ZMYND8: variants seen among roughly 807,000 people sequenced by gnomAD.
ZMYND8 encodes MYND-type zinc finger-containing chromatin reader ZMYND8.
A neutral mutation model predicts 140.8 loss-of-function variants in ZMYND8; 37 were observed. That is an observed-to-expected ratio of 0.26 (90% CI 0.20 to 0.35). The LOEUF (loss-of-function observed/expected upper bound fraction) is 0.35. Ranked by LOEUF, ZMYND8 falls within the 10% of genes least tolerant of loss-of-function variation. The probability of loss-of-function intolerance (pLI) is 1.00; values close to 1 mark genes in which losing one functional copy is unlikely to be tolerated. For missense variants in ZMYND8, 1,068 were observed against 1,570.0 expected (o/e 0.68, Z 5.40); for synonymous variants, 592 against 597.1 (o/e 0.99, Z 0.12).
chr20:47,308,117 CAA>C (rs1223467106), intron 3 of ZMYND8, among the ~76,000 whole-genome samples: 73 of 103,698 alleles, frequency 7.0e-4, no homozygotes, highest in African/African-American at 1.9e-3. Flanking sequence ...GACTCTGTCT[CAA>C]AAAAAAAAAA....
chr20:47,330,176 A>G (rs2080817321), intron 2 of ZMYND8, among the ~76,000 whole-genome samples: 1 of 152,094 alleles, frequency 6.6e-6, no homozygotes, highest in Non-Finnish European at 1.5e-5. Flanking sequence ...CAAGGTGCAC[A>G]TCACAGGACT....
chr20:47,215,401 C>A (rs2035941286), intron 21 of ZMYND8, among the ~76,000 whole-genome samples: 1 of 151,974 alleles, frequency 6.6e-6, no homozygotes, highest in African/African-American at 2.4e-5. Context: ...TAATAAATGT[C>A]CATGACTGTT....
At chr20:47,345,325 A>G (rs113998159) in intron 2 of ZMYND8, among the ~76,000 whole-genome samples, 1,607 of 152,152 alleles carry the variant, frequency 0.011, 24 homozygotes, top group Admixed American at 0.03. Context: ...AAGAGGAAGG[A>G]GGCCAAGGAG....
intron 1 of ZMYND8, chr20:47,351,672 G>A (rs927567360): frequency 3.0e-6 from 3 of 985,096 alleles, no homozygotes; most frequent in African/African-American, 3.5e-5. Flanking sequence ...TGGGGTGGGG[G>A]GGAATGGTTA....
intron 2 of ZMYND8, among the ~76,000 whole-genome samples, chr20:47,334,751 A>C (rs2081261505): frequency 2.6e-5 from 4 of 152,000 alleles, no homozygotes; most frequent in South Asian, 4.2e-4. Context: ...CTGGGATTAC[A>C]GGCACACGCC....
chr20:47,241,089 T>C (rs180741178), intron 14 of ZMYND8, among the ~76,000 whole-genome samples: 10 of 149,860 alleles, frequency 6.7e-5, no homozygotes, highest in Admixed American at 6.6e-4. Context: ...AAGTCAGGAG[T>C]TCGAAACCAG....
At chr20:47,219,623 CCTT>C (rs2036649582) in intron 21 of ZMYND8, among the ~76,000 whole-genome samples, 1 of 151,884 alleles carries the variant, frequency 6.6e-6, no homozygotes, top group Non-Finnish European at 1.5e-5. Context: ...CAGGAAGACA[CCTT>C]CTCTGAACCC....
At chr20:47,288,413 G>C (rs1364286522) in intron 7 of ZMYND8, among the ~76,000 whole-genome samples, 2 of 88,670 alleles carry the variant, frequency 2.3e-5, no homozygotes, top group East Asian at 5.9e-4. Context: ...TTTTTTTTGA[G>C]ATGGAGTCTC....
intron 17 of ZMYND8, among the ~76,000 whole-genome samples, chr20:47,227,600 A>T (rs1296685066): frequency 1.3e-5 from 2 of 152,102 alleles, no homozygotes; most frequent in Non-Finnish European, 2.9e-5. Flanking sequence ...TACGTAACAA[A>T]TACAAAGATA....
At chr20:47,337,189 T>C (rs1040861973) in intron 2 of ZMYND8, among the ~76,000 whole-genome samples, 1 of 151,674 alleles carries the variant, frequency 6.6e-6, no homozygotes, top group Non-Finnish European at 1.5e-5. Flanking sequence ...CTGTCTCTAC[T>C]AAAAATACAA....
chr20:47,246,056 C>A lies in ZMYND8; in HGVS notation c.2236G>T (p.Gly746Cys), dbSNP rs573749080. 6.2e-7 allele frequency: 1 copy of A among 1,603,136 alleles called. No individual in the cohort carries two copies. The highest frequency in any genetic ancestry group is 1.3e-5 in the African/African-American group (1 of 74,100). Residue 746 changes from glycine (G) to cysteine (C), a missense_variant, in exon 14 of 23, where the codon GGT (glycine) becomes TGT (cysteine). Coordinates refer to ENST00000471951, the MANE Select transcript of ZMYND8 (RefSeq NM_001281775.3). ...TTGGGTTCCTTCTTATTTTTTCGAC[C>A]CTCCCGCCCAGAATGGTCTTCTCCT... is the stretch of plus-strand genomic sequence containing the variant. Reference protein sequence around the residue: ...DLGEDHSGREGRKNKKEPKEP... With the variant: ...DLGEDHSGRECRKNKKEPKEP...
chr20:47,355,654 C>A (rs1169817126), intron 1 of ZMYND8: 4 of 215,476 alleles, frequency 1.9e-5, no homozygotes, highest in Non-Finnish European at 2.4e-5. Flanking sequence ...TTCCTCTACA[C>A]TCCATGACAC....
At chr20:47,308,543 A>G (rs2078681507) in intron 3 of ZMYND8, among the ~76,000 whole-genome samples, 1 of 152,104 alleles carries the variant, frequency 6.6e-6, no homozygotes, top group Non-Finnish European at 1.5e-5. Flanking sequence ...TTTTACAGGA[A>G]TTGTTTATTT....
chr20:47,307,461 AAAAT>A (rs1193077184), intron 3 of ZMYND8, among the ~76,000 whole-genome samples: 3 of 152,068 alleles, frequency 2.0e-5, no homozygotes, highest in Non-Finnish European at 2.9e-5. Flanking sequence ...TCCGTCTCAA[AAAAT>A]AAATAAATAA....
At chr20:47,237,307 GT>G (rs1484212035) in intron 15 of ZMYND8, 34 of 149,710 alleles carry the variant, frequency 2.3e-4, no homozygotes, top group African/African-American at 7.1e-4. Context: ...TGCCCGGCTA[GT>G]TTTTTGCTTT....
At chr20:47,242,731 C>T (rs73910804) in intron 14 of ZMYND8, among the ~76,000 whole-genome samples, 418 of 152,246 alleles carry the variant, frequency 2.7e-3, no homozygotes, top group African/African-American at 7.1e-3. Context: ...GTATACAATC[C>T]GATAAGATTC....
intron 2 of ZMYND8, among the ~76,000 whole-genome samples, chr20:47,331,208 G>C (rs529376408): frequency 8.6e-4 from 131 of 152,366 alleles, no homozygotes; most frequent in African/African-American, 2.9e-3. Context: ...AGAGTTTAAA[G>C]TAGGAAGGGA....
chr20:47,255,945 T>C (rs1305395356), intron 12 of ZMYND8, among the ~76,000 whole-genome samples: 1 of 149,702 alleles, frequency 6.7e-6, no homozygotes, highest in Non-Finnish European at 1.5e-5. Flanking sequence ...TGGTGGCGTA[T>C]GCCTGTTATC....
chr20:47,237,030 C>T (rs1473356506), intron 15 of ZMYND8, among the ~76,000 whole-genome samples: 1 of 152,202 alleles, frequency 6.6e-6, no homozygotes, highest in East Asian at 1.9e-4. Context: ...TCAGCTTATG[C>T]TAGACTCTTG....
Sources: gnomAD v4.1 joint callset for allele counts (sites outside exome capture counted in the v4.1 genomes callset) on GRCh38, gnomAD v4.1.1 for gene constraint, MANE v1.5 for transcripts, NCBI Gene and HGNC (gene_info 2026-07-23, HGNC 2026-07-21) for gene names.